ITGBL1: variants seen among roughly 807,000 people sequenced by gnomAD.
The protein encoded by ITGBL1 is integrin beta-like protein 1.
A neutral mutation model predicts 68.5 loss-of-function variants in ITGBL1; 51 were observed. The observed-to-expected ratio is 0.74, with a 90% confidence interval of 0.59 to 0.94. ITGBL1 has a LOEUF of 0.94. Among genes scored for constraint, ITGBL1 ranks in the 40% least tolerant of loss-of-function variants. ITGBL1 has a pLI of 0.00. For missense variants in ITGBL1, 649 were observed against 647.4 expected, an observed-to-expected ratio of 1.00 and a Z score of -0.03; for synonymous variants, 209 against 227.3, an observed-to-expected ratio of 0.92 and a Z score of 0.72.
chr13:101,643,122 G>A (rs1594949841), intron 7 of ITGBL1, among the ~76,000 whole-genome samples: 2 of 151,872 alleles, frequency 1.3e-5, no homozygotes, highest in African/African-American at 4.8e-5. Flanking sequence ...TAGCTTGATG[G>A]GGATGGCATT....
intron 7 of ITGBL1, among the ~76,000 whole-genome samples, chr13:101,648,014 A>T (rs2032618920): frequency 6.6e-6 from 1 of 152,208 alleles, no homozygotes; most frequent in Non-Finnish European, 1.5e-5. Flanking sequence ...TTGGTGAATC[A>T]GAGAGATCAA....
In ITGBL1 at chr13:101,495,505, C is replaced by T. The variant is rs114378128; in HGVS notation, c.316+41405C>T. On this transcript the variant is annotated intron_variant, in intron 2 of 10. Coordinates refer to ENST00000376180, the MANE Select transcript of ITGBL1 (RefSeq NM_004791.3). ...TTGGCTTTCTACTTCACTGACTCCC[C>T]GGATTTAATCCATGTATGGGTGCAG... Among the ~76,000 whole-genome samples, 929 of 152,206 alleles carry T rather than the reference C, an allele frequency of 6.1e-3. 13 individuals carry two copies. Among genetic ancestry groups the T allele is most frequent in the African/African-American group, 0.021 (889 of 41,506 alleles).
At chr13:101,551,980 A>G (rs1042043435) in intron 2 of ITGBL1, among the ~76,000 whole-genome samples, 1 of 152,148 alleles carries the variant, frequency 6.6e-6, no homozygotes. Context: ...TGAACTGATC[A>G]TATTTTCATG....
At chr13:101,715,519 A>G in intron 10 of ITGBL1, 44 bp from the exon 11 acceptor site, 2 of 1,350,556 alleles carry the variant, frequency 1.5e-6, no homozygotes, top group Non-Finnish European at 2.1e-6. Flanking sequence ...TAAATTTGGC[A>G]CATTTTGATC....
chr13:101,465,461 A>T (rs9518419), intron 2 of ITGBL1, among the ~76,000 whole-genome samples: 26,542 of 152,142 alleles, frequency 0.17, 2,557 homozygotes, highest in Non-Finnish European at 0.21. Context: ...ATAAATTCTG[A>T]TATCTATTAA....
At chr13:101,665,512 T>G (rs2033193452) in intron 7 of ITGBL1, among the ~76,000 whole-genome samples, 1 of 152,218 alleles carries the variant, frequency 6.6e-6, no homozygotes, top group African/African-American at 2.4e-5. Context: ...ATTAATTGTA[T>G]GTAGCTTCTT....
chr13:101,498,818 G>A (rs1405697042), intron 2 of ITGBL1, among the ~76,000 whole-genome samples: 1 of 152,102 alleles, frequency 6.6e-6, no homozygotes, highest in Non-Finnish European at 1.5e-5. Flanking sequence ...CCTGAGTCTG[G>A]GTAATTTATA....
intron 6 of ITGBL1, among the ~76,000 whole-genome samples, chr13:101,583,684 G>A (rs1465658815): frequency 6.6e-6 from 1 of 152,092 alleles, no homozygotes; most frequent in African/African-American, 2.4e-5. Flanking sequence ...AATTTAAAAA[G>A]TAATGAATAA....
intron 2 of ITGBL1, among the ~76,000 whole-genome samples, chr13:101,549,885 A>C (rs1009312857): frequency 6.6e-6 from 1 of 152,154 alleles, no homozygotes; most frequent in Admixed American, 6.6e-5. Flanking sequence ...ATTGATATAC[A>C]TAGCTTTCAT....
intron 2 of ITGBL1, among the ~76,000 whole-genome samples, chr13:101,461,115 G>A (rs1460007796): frequency 6.6e-6 from 1 of 152,094 alleles, no homozygotes; most frequent in Non-Finnish European, 1.5e-5. Flanking sequence ...AGAAATTCAG[G>A]AGTTATTTTC....
At chr13:101,464,665 A>G (rs1239927960) in intron 2 of ITGBL1, among the ~76,000 whole-genome samples, 1 of 152,134 alleles carries the variant, frequency 6.6e-6, no homozygotes, top group Non-Finnish European at 1.5e-5. Flanking sequence ...TACAAACATA[A>G]TATATATACA....
chr13:101,637,507 C>G (rs1227704225), intron 7 of ITGBL1, among the ~76,000 whole-genome samples: 1 of 151,938 alleles, frequency 6.6e-6, no homozygotes, highest in African/African-American at 2.4e-5. Flanking sequence ...CCACACCTGG[C>G]TGAATTTTTG....
intron 6 of ITGBL1, among the ~76,000 whole-genome samples, chr13:101,597,193 CAT>C (rs1194853331): frequency 6.6e-6 from 1 of 152,086 alleles, no homozygotes; most frequent in East Asian, 1.9e-4. Flanking sequence ...AATATCTCCG[CAT>C]CTCTCTCAGT....
chr13:101,535,774 A>C (rs1464240684), intron 2 of ITGBL1, among the ~76,000 whole-genome samples: 1 of 152,122 alleles, frequency 6.6e-6, no homozygotes, highest in Non-Finnish European at 1.5e-5. Flanking sequence ...TTTTGCGAAG[A>C]GTCTGAAAAA....
intron 7 of ITGBL1, among the ~76,000 whole-genome samples, chr13:101,691,814 C>T (rs193044435): frequency 8.5e-5 from 13 of 152,204 alleles, no homozygotes; most frequent in East Asian, 1.9e-4. Context: ...CAATATGTCT[C>T]GGCTTCCTGT....
At chr13:101,718,668 T>A (rs537588607), downstream of ITGBL1, 1 of 152,054 alleles carries the variant, frequency 6.6e-6, no homozygotes, top group East Asian at 1.9e-4. Context: ...CTTTCTGGGC[T>A]CCTTGAGTTT....
chr13:101,671,525 G>A (rs1260976643), intron 7 of ITGBL1, among the ~76,000 whole-genome samples: 16 of 131,706 alleles, frequency 1.2e-4, no homozygotes, highest in Admixed American at 1.9e-4. Flanking sequence ...TGCAAGCTCC[G>A]CCTCCCGGGT....
rs750539321 is a variant in ITGBL1 at position 101,598,281 on chromosome 13, C to T, written c.997C>T (p.Leu333=). 5 of 1,612,126 alleles carry T rather than the reference C, an allele frequency of 3.1e-6. No individual in the cohort carries two copies. Among genetic ancestry groups the T allele is most frequent in the South Asian group, 1.1e-5 (1 of 90,836 alleles). The change falls in exon 7 of 11, where the codon CTG becomes TTG. Residue 333 remains leucine (L), a synonymous_variant. Transcript: ENST00000376180. ...SIRKCQGSSD[L]PCSGRGKCEC... is the part of the protein sequence containing the mutation. ...CAGGAAGTGCCAGGGAAGCTCGGAT[C>T]TGCCTTGCTCTGGGAGGGGTAAGTG...
intron 5 of ITGBL1, among the ~76,000 whole-genome samples, chr13:101,579,758 T>C (rs1409896282): frequency 2.6e-5 from 4 of 152,160 alleles, no homozygotes; most frequent in Non-Finnish European, 5.9e-5. Context: ...AAATGTCTCT[T>C]GACTAACAGA....
Sources: allele counts gnomAD v4.1 joint callset (sites outside exome capture counted in the v4.1 genomes callset), GRCh38; gene constraint gnomAD v4.1.1; transcripts MANE v1.5; gene names NCBI Gene and HGNC (gene_info 2026-07-23, HGNC 2026-07-21).